Variants in UTRN observed in about 807,000 individuals in gnomAD.
The protein encoded by UTRN is utrophin.
UTRN carries 283 observed loss-of-function variants against 463.9 expected under a neutral mutation model. The observed-to-expected ratio is 0.61, with a 90% CI of 0.55 to 0.67. The LOEUF (loss-of-function observed/expected upper bound fraction) is 0.67. Among genes scored for constraint, UTRN ranks in the 30% least tolerant of loss-of-function variants. The pLI, the probability that UTRN is intolerant of heterozygous loss-of-function variation, is 0.00. For synonymous variants in UTRN, 1,442 were observed against 1,431.5 expected (o/e 1.01, Z -0.17); for missense variants, 3,922 against 4,084.3 (o/e 0.96, Z 1.08).
intron 50 of UTRN, among the ~76,000 whole-genome samples, chr6:144,573,151 G>A (rs1007297830): frequency 2.6e-5 from 4 of 152,022 alleles, no homozygotes; most frequent in African/African-American, 7.2e-5. Flanking sequence ...TTTGTTGGCC[G>A]CATAAATGTC....
intron 51 of UTRN, among the ~76,000 whole-genome samples, chr6:144,633,677 C>CT (rs1776791386): frequency 6.6e-6 from 1 of 152,170 alleles, no homozygotes; most frequent in Non-Finnish European, 1.5e-5. Flanking sequence ...GAAAAGCAAT[C>CT]TAAGTACCAT....
intron 15 of UTRN, 74 bp downstream of exon 15, chr6:144,447,392 G>T: frequency 6.9e-7 from 1 of 1,453,616 alleles, no homozygotes; most frequent in Non-Finnish European, 9.4e-7. Flanking sequence ...ATGGTTAGTA[G>T]AATTTAGTGA....
At chr6:144,639,809 T>C (rs1185956891) in intron 51 of UTRN, among the ~76,000 whole-genome samples, 1 of 152,124 alleles carries the variant, frequency 6.6e-6, no homozygotes, top group Non-Finnish European at 1.5e-5. Flanking sequence ...GGAGTTTCTA[T>C]ATGGAAGAGG....
chr6:144,634,709 C>A (rs1776917373), intron 51 of UTRN, among the ~76,000 whole-genome samples: 1 of 152,198 alleles, frequency 6.6e-6, no homozygotes, highest in Non-Finnish European at 1.5e-5. Flanking sequence ...CTGCTGGAAA[C>A]CTTGGGTCTA....
At chr6:144,316,174 A>G (rs1056133717) in intron 2 of UTRN, among the ~76,000 whole-genome samples, 1 of 152,180 alleles carries the variant, frequency 6.6e-6, no homozygotes, top group African/African-American at 2.4e-5. Flanking sequence ...ACACAGTGAG[A>G]CCCTGTCTCT....
chr6:144,534,280 C>T (rs1343366476), intron 43 of UTRN, among the ~76,000 whole-genome samples: 2 of 152,144 alleles, frequency 1.3e-5, no homozygotes, highest in Admixed American at 6.6e-5. Flanking sequence ...GTTTAGGAGT[C>T]ATGACTCACC....
At position 144,742,833 on chromosome 6, in the gene UTRN, G is replaced by A. The variant is rs148565372; in HGVS notation, c.7940-5413G>A. On this transcript the variant is annotated intron_variant, in intron 54 of 74. Transcript: ENST00000367545. Reference sequence around the variant, plus strand: ...GTCCAACAGTAAAAATGCCAGTTGTGAATTTTTTTCTTTACTTGATTGTTT... The same window carrying A: ...GTCCAACAGTAAAAATGCCAGTTGTAAATTTTTTTCTTTACTTGATTGTTT... Among the ~76,000 whole-genome samples the A allele has an allele frequency of 1.4e-4, 22 of 152,202 alleles. No individual in the cohort carries two copies. In the East Asian group the frequency reaches 4.2e-3, roughly 29 times the overall value.
At chr6:144,291,222 T>C (rs1340436038) in intron 1 of UTRN, among the ~76,000 whole-genome samples, 1 of 152,234 alleles carries the variant, frequency 6.6e-6, no homozygotes, top group Non-Finnish European at 1.5e-5. Flanking sequence ...CTTCTTCACC[T>C]GGTTCAACAG....
chr6:144,608,579 C>T (rs115572005), intron 51 of UTRN, among the ~76,000 whole-genome samples: 101 of 152,254 alleles, frequency 6.6e-4, no homozygotes, highest in African/African-American at 2.3e-3. Context: ...CTCCCCCAAG[C>T]TGGGACAGTG....
chr6:144,789,053 A>G, intron 61 of UTRN, 141 bp from the exon 62 acceptor site: 1 of 664,832 alleles, frequency 1.5e-6, no homozygotes, highest in East Asian at 2.7e-5. Context: ...ATTAATTGTT[A>G]AAAGTTAATA....
rs997106864 is a variant in UTRN, at chr6:144,655,314, C to T, written c.7480-23092C>T. Among the ~76,000 whole-genome samples, 20 of 152,210 alleles carry T rather than the reference C, an allele frequency of 1.3e-4. 1 individual carries two copies. Among genetic ancestry groups the T allele is most frequent in the African/African-American group, 4.6e-4 (19 of 41,456 alleles). On this transcript the variant is annotated intron_variant, in intron 51 of 74. Transcript: ENST00000367545. The stretch of plus-strand genomic sequence containing the variant: ...AGTCGAAATGTATGGACTGGTCTCT[C>T]CCTAATGGAACTTCAGTGGTAGAAG...
chr6:144,625,714 C>T (rs1562668343), intron 51 of UTRN, among the ~76,000 whole-genome samples: 1 of 152,188 alleles, frequency 6.6e-6, no homozygotes, highest in Non-Finnish European at 1.5e-5. Context: ...CCCCTTAGTC[C>T]TCTATTACTT....
chr6:144,545,125 A>G (rs556207513), intron 46 of UTRN, among the ~76,000 whole-genome samples: 8 of 152,198 alleles, frequency 5.3e-5, no homozygotes, highest in African/African-American at 1.7e-4. Context: ...TTAATATTCA[A>G]TCCATCAGCA....
intron 2 of UTRN, among the ~76,000 whole-genome samples, chr6:144,337,182 CA>C (rs1562263652): frequency 1.5e-4 from 21 of 136,442 alleles, no homozygotes; most frequent in African/African-American, 4.6e-4. Flanking sequence ...CACACAGACA[CA>C]CACACACACA....
intron 65 of UTRN, among the ~76,000 whole-genome samples, chr6:144,817,527 T>G (rs939533668): frequency 6.6e-6 from 1 of 152,118 alleles, no homozygotes; most frequent in African/African-American, 2.4e-5. Flanking sequence ...TTCTTTTTCT[T>G]TTTTTCCAAA....
intron 50 of UTRN, among the ~76,000 whole-genome samples, chr6:144,565,956 T>G (rs142207464): frequency 6.6e-6 from 1 of 152,282 alleles, no homozygotes; most frequent in Non-Finnish European, 1.5e-5. Flanking sequence ...TAAAGCATGT[T>G]TGTGTGCCTA....
At chr6:144,497,777 C>T (rs997222074) in intron 33 of UTRN, among the ~76,000 whole-genome samples, 9 of 151,832 alleles carry the variant, frequency 5.9e-5, no homozygotes, top group South Asian at 4.2e-4. Flanking sequence ...TTGGAAATGT[C>T]GGGTACTCAC....
At chr6:144,599,299 C>G (rs1803986081) in intron 51 of UTRN, among the ~76,000 whole-genome samples, 1 of 152,058 alleles carries the variant, frequency 6.6e-6, no homozygotes, top group Non-Finnish European at 1.5e-5. Flanking sequence ...AAGTAGTTCT[C>G]TTGATATTAT....
intron 51 of UTRN, among the ~76,000 whole-genome samples, chr6:144,616,907 C>A (rs1000521834): frequency 6.6e-6 from 1 of 152,154 alleles, no homozygotes; most frequent in Non-Finnish European, 1.5e-5. Context: ...GTGTAGAAAT[C>A]TGTTAGGAAT....
Sources: gnomAD v4.1 joint callset for allele counts (sites outside exome capture counted in the v4.1 genomes callset) on GRCh38, gnomAD v4.1.1 for gene constraint, MANE v1.5 for transcripts, NCBI Gene and HGNC (gene_info 2026-07-23, HGNC 2026-07-21) for gene names.